Variants in SREK1 observed in about 807,000 individuals in gnomAD.
SREK1 encodes splicing regulatory glutamic acid and lysine rich protein 1, also known as splicing regulatory glutamine/lysine-rich protein 1.
In SREK1, 13 loss-of-function variants were observed where a neutral mutation model predicts 66.5. The observed-to-expected ratio is 0.20, with a 90% CI of 0.13 to 0.31. The LOEUF (loss-of-function observed/expected upper bound fraction) is 0.31, where lower values mean the gene tolerates loss of function less well. Ranked by LOEUF, SREK1 falls within the 10% of genes least tolerant of loss-of-function variation. The probability of loss-of-function intolerance (pLI) is 1.00; values close to 1 mark genes in which losing one functional copy is unlikely to be tolerated. For missense variants in SREK1, 607 were observed against 769.6 expected (o/e 0.79, Z 2.50); for synonymous variants, 265 against 263.5 (o/e 1.01, Z -0.05).
At chr5:66,153,095 A>C (rs1172844506) in intron 1 of SREK1, among the ~76,000 whole-genome samples, 1 of 152,152 alleles carries the variant, frequency 6.6e-6, no homozygotes, top group Non-Finnish European at 1.5e-5. Flanking sequence ...ATGATGATAA[A>C]ATTTGAAATC....
Position 66,182,344 on chromosome 5 carries a change from TTA to T in SREK1, c.*3477_*3478del. 6.6e-6 allele frequency: 1 copy of T among 152,196 alleles called. No individual in the cohort carries two copies. The highest frequency in any genetic ancestry group is 2.1e-4 in the South Asian group (1 of 4,832). 9.4% of individuals were successfully genotyped at this position (152,196 alleles called of 1,614,324 possible). A position where few individuals can be genotyped will look rare whatever the true frequency, so the allele number is the denominator to read the frequency against. On this transcript the variant is annotated 3_prime_UTR_variant, in exon 12 of 12. Transcript: ENST00000334121. ...ATATATATTATTTTCTCATGTTTAT[TTA>T]CTAATGTAATTTTCACTTAAAATTA...
rs772239286 is a variant in SREK1, at chr5:66,153,467, G to A, written c.166G>A (p.Ala56Thr). Reference protein sequence around the residue: ...EELRLYPPDNAPLAFSSKVCY... With the variant: ...EELRLYPPDNTPLAFSSKVCY... The stretch of plus-strand genomic sequence containing the variant: ...GTTTTTCTTTTTATCTTGCAGCAAC[G>A]CACCTCTTGCTTTTTCCTCCAAAGT... Residue 56 changes from alanine to threonine, a missense_variant, in exon 2 of 12, where the codon GCA (alanine) becomes ACA (threonine). Transcript: ENST00000334121. 3.5e-5 allele frequency: 56 copies of A among 1,610,862 alleles called. No homozygotes were observed. The highest frequency in any genetic ancestry group is 1.7e-4 in the South Asian group (15 of 90,434).
chr5:66,152,225 T>C (rs1351953586), intron 1 of SREK1, among the ~76,000 whole-genome samples: 3 of 152,212 alleles, frequency 2.0e-5, no homozygotes, highest in African/African-American at 7.2e-5. Flanking sequence ...AAGTTCTAAA[T>C]GCAGATTCAT....
chr5:66,146,805 C>T (rs1342975872), intron 1 of SREK1, among the ~76,000 whole-genome samples: 6 of 151,984 alleles, frequency 3.9e-5, no homozygotes, highest in Non-Finnish European at 8.8e-5. Context: ...TTTATGACAT[C>T]TTTAGAGTTG....
chr5:66,178,375 C>T (rs1407795843), intron 11 of SREK1, among the ~76,000 whole-genome samples: 4 of 151,982 alleles, frequency 2.6e-5, no homozygotes, highest in Non-Finnish European at 5.9e-5. Context: ...ATTTTTGCTG[C>T]ATTGGTTTGC....
At chr5:66,155,849 A>G (rs1744240962) in intron 2 of SREK1, among the ~76,000 whole-genome samples, 1 of 152,212 alleles carries the variant, frequency 6.6e-6, no homozygotes, top group African/African-American at 2.4e-5. Flanking sequence ...ATATGCTTTC[A>G]TTATACTTGT....
rs1253859415 is a variant in SREK1 at position 66,180,672 on chromosome 5, T to C, written c.*1804T>C. ...GGAAGATGCTTTACTATGTAAAGTA[T>C]AGATGGTCATTTTAATCATTCAGCC... On this transcript the variant is annotated 3_prime_UTR_variant, in exon 12 of 12. Transcript: ENST00000334121. 2 of 152,590 alleles carry C rather than the reference T, an allele frequency of 1.3e-5. No homozygotes were observed. The highest frequency in any genetic ancestry group is 6.5e-5 in the Admixed American group (1 of 15,276). The allele number at this position is 152,590 out of a possible 1,614,324, so 9.5% of individuals were successfully genotyped here. A position where few individuals can be genotyped will look rare whatever the true frequency, so the allele number is the denominator to read the frequency against.
intron 1 of SREK1, among the ~76,000 whole-genome samples, chr5:66,149,695 G>A (rs1384055146): frequency 6.6e-6 from 1 of 152,216 alleles, no homozygotes; most frequent in Non-Finnish European, 1.5e-5. Context: ...TGACTGTCAG[G>A]CTCTTGAAGA....
Position 66,181,602 on chromosome 5 carries a change from T to C in SREK1, c.*2734T>C, listed in dbSNP as rs1281968203. On this transcript the variant is annotated 3_prime_UTR_variant, in exon 12 of 12. Coordinates refer to ENST00000334121, the MANE Select transcript of SREK1 (RefSeq NM_001077199.3). Reference sequence around the variant, plus strand: ...TCATTGTAGACAAATTCTGTTGCCTTTCAGCAACGTATGCTGAACTAGTAT... The same window carrying C: ...TCATTGTAGACAAATTCTGTTGCCTCTCAGCAACGTATGCTGAACTAGTAT... The C allele has an allele frequency of 5.9e-5, 9 of 152,204 alleles. No individual in the cohort carries two copies. 9.4% of individuals were successfully genotyped at this position (152,204 alleles called of 1,614,324 possible). A position where few individuals can be genotyped will look rare whatever the true frequency, so the allele number is the denominator to read the frequency against.
rs573055280 is a variant in SREK1 at position 66,144,794 on chromosome 5, G to T, written c.161+257G>T. ...TGCCCTTTCTGTGCCTCCGGGACTT[G>T]TGTTCGCTGCTGGGTCTTCGAATTC... On this transcript the variant is annotated intron_variant, in intron 1 of 11. Transcript: ENST00000334121. 259 of 1,201,258 alleles carry T rather than the reference G, an allele frequency of 2.2e-4. No homozygotes were observed. In the Middle Eastern group the frequency reaches 2.3e-3, roughly 11 times the overall value. The allele number at this position is 1,201,258 out of a possible 1,614,324, so 74.4% of individuals were successfully genotyped here.
chr5:66,154,263 C>T (rs1191648012), intron 2 of SREK1, among the ~76,000 whole-genome samples: 1 of 152,184 alleles, frequency 6.6e-6, no homozygotes, highest in Non-Finnish European at 1.5e-5. Context: ...ATTTTATGAC[C>T]TAAACTGCTT....
chr5:66,173,280 A>G (rs1745793499), intron 9 of SREK1, among the ~76,000 whole-genome samples: 1 of 152,232 alleles, frequency 6.6e-6, no homozygotes, highest in South Asian at 2.1e-4. Context: ...CTTTTAAAGA[A>G]AATGATATTA....
At chr5:66,178,201 G>A (rs891847594) in intron 11 of SREK1, among the ~76,000 whole-genome samples, 5 of 150,324 alleles carry the variant, frequency 3.3e-5, no homozygotes, top group Admixed American at 1.3e-4. Context: ...ACTGATAGAC[G>A]ATTATCATCA....
At chr5:66,178,667 C>T in intron 11 of SREK1, 52 bp from the exon 12 acceptor site, 2 of 1,466,696 alleles carry the variant, frequency 1.4e-6, no homozygotes, top group African/African-American at 1.4e-5. Flanking sequence ...GTCGTCATAG[C>T]AGGCAGTTCT....
At position 66,177,387 on chromosome 5, in the gene SREK1, C is replaced by G. The variant is rs531941700; in HGVS notation, c.1581-127C>G. On this transcript the variant is annotated intron_variant, in intron 10 of 11. Coordinates refer to ENST00000334121, the MANE Select transcript of SREK1 (RefSeq NM_001077199.3). ...TCATTTATGTTACTTTGCAAACCAG[C>G]TTACTGTTGATGCTTATTAACAATG... is the stretch of plus-strand genomic sequence containing the variant. The G allele has an allele frequency of 7.4e-5, 60 of 813,112 alleles. 1 individual carries two copies. The South Asian group carries it at 9.1e-4, about 12-fold the overall frequency. 50.4% of individuals were successfully genotyped at this position (813,112 alleles called of 1,614,324 possible).
At chr5:66,169,969 T>C (rs916248628) in intron 7 of SREK1, 82 bp from the exon 8 acceptor site, 56 of 1,135,332 alleles carry the variant, frequency 4.9e-5, no homozygotes, top group Non-Finnish European at 6.3e-5. Flanking sequence ...TATTGTTAAA[T>C]ACTGTTAGGA....
chr5:66,174,946 G>T lies in SREK1; in HGVS notation c.1485G>T (p.Arg495Ser). Reference protein sequence around the residue: ...NASRRSRSSSRERRRRRSRSS... With the variant: ...NASRRSRSSSSERRRRRSRSS... ...AAAATGATGTGTTTTTGATTTTCAG[G>T]GAAAGGCGTAGGAGGAGGAGCAGGA... The change falls in exon 10 of 12, where the codon AGG becomes AGT. Residue 495 changes from arginine to serine, a missense_variant and splice_region_variant. This residue lies in a region of SREK1 where 318 missense variants were observed against 310.3 expected (regional missense o/e 1.02). Coordinates refer to ENST00000334121, the MANE Select transcript of SREK1 (RefSeq NM_001077199.3). The T allele has an allele frequency of 1.2e-6, 2 of 1,608,990 alleles. No individual in the cohort carries two copies. Among genetic ancestry groups the T allele is most frequent in the South Asian group, 1.1e-5 (1 of 89,702 alleles).
chr5:66,163,386 A>G, intron 5 of SREK1: 1 of 158,792 alleles, frequency 6.3e-6, no homozygotes, highest in East Asian at 1.8e-4. Context: ...GGTGTACATA[A>G]TATGATGATA....
intron 2 of SREK1, chr5:66,158,723 G>C: frequency 9.0e-7 from 1 of 1,109,878 alleles, no homozygotes. Context: ...TCTTTTTTTT[G>C]ACTAATTTGG....
Sources: allele counts gnomAD v4.1 joint callset (sites outside exome capture counted in the v4.1 genomes callset), GRCh38; gene constraint gnomAD v4.1.1; regional missense constraint gnomAD v4.1.1; transcripts MANE v1.5; gene names NCBI Gene and HGNC (gene_info 2026-07-23, HGNC 2026-07-21).